Variants in ANKRD40CL observed in about 807,000 individuals in gnomAD.
ANKRD40CL encodes ANKRD40 C-terminal like, also known as putative ANKRD40 C-terminal-like protein.
For synonymous variants in ANKRD40CL, 5 were observed against 2.3 expected, an observed-to-expected ratio of 2.14 and a Z score of -1.04; for missense variants, 11 against 6.4, an observed-to-expected ratio of 1.71 and a Z score of -0.77.
At chr17:50,762,410 A>G (rs1345773388) in intron 3 of ANKRD40CL, among the ~76,000 whole-genome samples, 1 of 152,106 alleles carries the variant, frequency 6.6e-6, no homozygotes, top group Non-Finnish European at 1.5e-5. Context: ...AGCCAGACCC[A>G]TTTCAAAAAA....
chr17:50,767,290 C>T (rs1349833718), intron 1 of ANKRD40CL, 173 bp downstream of exon 1: 9 of 430,306 alleles, frequency 2.1e-5, no homozygotes, highest in Non-Finnish European at 3.5e-5. Context: ...AGAAGGGGGC[C>T]AGGCCCTCTT....
intron 2 of ANKRD40CL, chr17:50,766,418 G>A (rs1971317685): frequency 1.9e-5 from 3 of 160,026 alleles, no homozygotes; most frequent in African/African-American, 4.8e-5. Flanking sequence ...TTATTCTGTG[G>A]TCAATGTGTC....
intron 1 of ANKRD40CL, 68 bp from the exon 2 acceptor site, chr17:50,767,079 G>C (rs1408394814): frequency 4.3e-6 from 3 of 690,466 alleles, no homozygotes; most frequent in African/African-American, 4.1e-5. Flanking sequence ...TTATTTTATA[G>C]ATAGGGAAAA....
At chr17:50,762,407 C>A (rs1234159496) in intron 3 of ANKRD40CL, among the ~76,000 whole-genome samples, 1 of 151,982 alleles carries the variant, frequency 6.6e-6, no homozygotes, top group East Asian at 1.9e-4. Context: ...TATAGCCAGA[C>A]CCATTTCAAA....
intron 2 of ANKRD40CL, among the ~76,000 whole-genome samples, chr17:50,765,707 C>T (rs1188935847): frequency 6.6e-6 from 1 of 152,212 alleles, no homozygotes; most frequent in African/African-American, 2.4e-5. Context: ...AACGCACCAA[C>T]TAGCTGGATG....
intron 2 of ANKRD40CL, chr17:50,764,324 C>T (rs1233207892): frequency 2.5e-6 from 1 of 398,244 alleles, no homozygotes; most frequent in Non-Finnish European, 4.4e-6. Context: ...ACAAGGATGC[C>T]CCACTTCCAC....
At chr17:50,764,569 A>G (rs1971263243) in intron 2 of ANKRD40CL, 1 of 217,342 alleles carries the variant, frequency 4.6e-6, no homozygotes, top group South Asian at 1.8e-4. Flanking sequence ...TTATGTCTTC[A>G]GTTCTCTAGC....
In ANKRD40CL at chr17:50,767,467, GA is replaced by G; in HGVS notation, c.-104del. 1 of 258,638 alleles carries G rather than the reference GA, an allele frequency of 3.9e-6. No homozygotes were observed. Among genetic ancestry groups the G allele is most frequent in the Non-Finnish European group, 7.8e-6 (1 of 128,726 alleles). 16.0% of individuals were successfully genotyped at this position (258,638 alleles called of 1,614,324 possible). On this transcript the variant is annotated 5_prime_UTR_variant, in exon 1 of 4. An upstream open reading frame in the 5' UTR gains an earlier in-frame stop. Coordinates refer to ENST00000450727, the MANE Select transcript of ANKRD40CL (RefSeq NM_001358683.3). ...AGCAGAAAGACCCCTCCATACCTGGGAAAATGACCTTGGTGATGATCCTGGA... is the reference window on the plus strand; with the variant it reads ...AGCAGAAAGACCCCTCCATACCTGGGAAATGACCTTGGTGATGATCCTGGA...
intron 2 of ANKRD40CL, chr17:50,764,092 A>G: frequency 2.5e-6 from 1 of 398,616 alleles, no homozygotes; most frequent in East Asian, 3.6e-5. Context: ...TACAGTATGA[A>G]CTAAAAGTCC....
At chr17:50,766,178 C>A (rs1253341031) in intron 2 of ANKRD40CL, among the ~76,000 whole-genome samples, 1 of 152,150 alleles carries the variant, frequency 6.6e-6, no homozygotes, top group Non-Finnish European at 1.5e-5. Context: ...GCAGTCTTCT[C>A]TTTGCCTTTC....
chr17:50,766,584 C>T (rs1971320996), intron 2 of ANKRD40CL: 1 of 387,878 alleles, frequency 2.6e-6, no homozygotes, highest in African/African-American at 2.1e-5. Flanking sequence ...ACAATCCTAC[C>T]TCACCAGATT....
rs1490103807 is a variant in ANKRD40CL, at chr17:50,766,937, G to T, written c.-24C>A. On this transcript the variant is annotated 5_prime_UTR_variant, in exon 2 of 4. Transcript: ENST00000450727. ...ATGAGTCACCTCTAGTCCGTCAGATGTGCAGCCCCTCTCGCATTTATGCAC... is the reference window on the plus strand; with the variant it reads ...ATGAGTCACCTCTAGTCCGTCAGATTTGCAGCCCCTCTCGCATTTATGCAC... 2.9e-6 allele frequency: 2 copies of T among 701,546 alleles called. No individual in the cohort carries two copies. The highest frequency in any genetic ancestry group is 5.2e-6 in the Non-Finnish European group (2 of 384,450). The allele number at this position is 701,546 out of a possible 1,614,324, so 43.5% of individuals were successfully genotyped here.
At chr17:50,765,577 T>C (rs1424652615) in intron 2 of ANKRD40CL, among the ~76,000 whole-genome samples, 1 of 152,228 alleles carries the variant, frequency 6.6e-6, no homozygotes, top group African/African-American at 2.4e-5. Context: ...GCCAACTACA[T>C]AATTTGCAAA....
intron 2 of ANKRD40CL, chr17:50,766,468 C>T (rs147456784): frequency 9.6e-5 from 18 of 188,254 alleles, no homozygotes; most frequent in African/African-American, 3.3e-4. Flanking sequence ...GGTCACAAAG[C>T]ATGCCCTTTG....
intron 2 of ANKRD40CL, chr17:50,763,785 C>T (rs1567888797): frequency 5.2e-6 from 2 of 383,940 alleles, no homozygotes; most frequent in Non-Finnish European, 9.2e-6. Context: ...ATTATATCCA[C>T]TGAAGACAGA....
chr17:50,761,919 G>A (rs530864436), intron 3 of ANKRD40CL, among the ~76,000 whole-genome samples: 19 of 150,110 alleles, frequency 1.3e-4, no homozygotes, highest in African/African-American at 4.2e-4. Context: ...CACTGCGCCC[G>A]GTCCCCATAA....
chr17:50,764,551 A>G, intron 2 of ANKRD40CL: 1 of 243,764 alleles, frequency 4.1e-6, no homozygotes, highest in Non-Finnish European at 7.8e-6. Context: ...TTTTTGGCAC[A>G]GAGTGCTTTA....
chr17:50,765,767 C>T (rs1971297785), intron 2 of ANKRD40CL, among the ~76,000 whole-genome samples: 1 of 152,116 alleles, frequency 6.6e-6, no homozygotes, highest in Admixed American at 6.5e-5. Flanking sequence ...AACTTCTGAT[C>T]CTTGTTTTGC....
intron 2 of ANKRD40CL, among the ~76,000 whole-genome samples, chr17:50,766,138 A>G (rs1168406101): frequency 6.6e-6 from 1 of 152,054 alleles, no homozygotes; most frequent in Non-Finnish European, 1.5e-5. Flanking sequence ...GGACAGGAAT[A>G]ATGTCCCCTC....
Sources: gnomAD v4.1 joint callset for allele counts (sites outside exome capture counted in the v4.1 genomes callset) on GRCh38, gnomAD v4.1.1 for gene constraint, MANE v1.5 for transcripts, NCBI Gene and HGNC (gene_info 2026-07-23, HGNC 2026-07-21) for gene names.